The following EPB41 variants were observed in gnomAD, a reference collection of about 807,000 sequenced individuals.
EPB41 encodes protein 4.1.
Under a neutral mutation model 108.0 loss-of-function variants are expected in EPB41, and 65 were observed. The observed-to-expected ratio is 0.60, with a 90% confidence interval of 0.49 to 0.74. The LOEUF is 0.74. EPB41 is among the 30% of genes least tolerant of loss of function. EPB41 has a pLI of 0.00. For missense variants in EPB41, 875 were observed against 1,037.0 expected (o/e 0.84, Z 2.15); for synonymous variants, 336 against 358.9 (o/e 0.94, Z 0.72).
intron 17 of EPB41, among the ~76,000 whole-genome samples, chr1:29,106,275 A>G (rs1667113807): frequency 6.6e-6 from 1 of 152,154 alleles, no homozygotes; most frequent in Non-Finnish European, 1.5e-5. Context: ...GGAGGTAGAT[A>G]AAGATAGAGT....
At chr1:29,053,479 CGT>C (rs1240769006) in intron 12 of EPB41, 167 bp downstream of exon 12, 2 of 810,994 alleles carry the variant, frequency 2.5e-6, no homozygotes, top group African/African-American at 1.7e-5. Flanking sequence ...AAAATATTTT[CGT>C]AGAGTTATGT....
At chr1:28,917,147 A>G (rs1042958475) in intron 1 of EPB41, among the ~76,000 whole-genome samples, 1 of 152,042 alleles carries the variant, frequency 6.6e-6, no homozygotes, top group African/African-American at 2.4e-5. Context: ...CTTATGCAAT[A>G]TGGCTACAAT....
In EPB41 at chr1:28,987,468, G is replaced by A; in HGVS notation, c.31G>A (p.Ala11Thr). ...AACAGAGAAGAGTTTAGTGACTGAG[G>A]CCGAAAATTCACAGCACCAACAGAA... is the stretch of plus-strand genomic sequence containing the variant. MTTEKSLVTEAENSQHQQKEE... is the reference protein window; with the variant it reads MTTEKSLVTETENSQHQQKEE... The change falls in exon 2 of 21, where the codon GCC becomes ACC. Residue 11 changes from alanine (A) to threonine (T), a missense_variant. Ala to Thr is a moderately conservative substitution (Grantham distance 58). This residue lies in a region of EPB41 where 353 missense variants were observed against 393.2 expected (regional missense o/e 0.90). Transcript: ENST00000343067. 6.2e-7 allele frequency: 1 copy of A among 1,614,120 alleles called. No homozygotes were observed. The highest frequency in any genetic ancestry group is 8.5e-7 in the Non-Finnish European group (1 of 1,180,014).
At chr1:28,922,592 C>T (rs2093172208) in intron 1 of EPB41, among the ~76,000 whole-genome samples, 2 of 150,770 alleles carry the variant, frequency 1.3e-5, no homozygotes, top group African/African-American at 4.9e-5. Context: ...GCCACCGTGC[C>T]CCGCCAGTTT....
chr1:28,979,839 G>T (rs2095693648), intron 1 of EPB41, among the ~76,000 whole-genome samples: 1 of 152,002 alleles, frequency 6.6e-6, no homozygotes, highest in East Asian at 1.9e-4. Context: ...ATGTTTATTT[G>T]AAGATTTGGC....
At chr1:28,953,383 G>A (rs757024347) in intron 1 of EPB41, among the ~76,000 whole-genome samples, 34 of 152,068 alleles carry the variant, frequency 2.2e-4, no homozygotes, top group Non-Finnish European at 4.3e-4. Context: ...AAAACCATGC[G>A]GGCCTTTTGC....
intron 3 of EPB41, among the ~76,000 whole-genome samples, chr1:28,994,127 T>C (rs1017472016): frequency 6.6e-6 from 1 of 152,150 alleles, no homozygotes; most frequent in Non-Finnish European, 1.5e-5. Flanking sequence ...TCAGAGTTAT[T>C]CAGTTACTCT....
chr1:28,993,038 GC>G (rs1217206797), intron 2 of EPB41, among the ~76,000 whole-genome samples: 1 of 152,154 alleles, frequency 6.6e-6, no homozygotes, highest in Non-Finnish European at 1.5e-5. Flanking sequence ...CCGTGTAATG[GC>G]TTGGTCAGGA....
At chr1:29,057,104 C>T (rs1046597750) in intron 12 of EPB41, among the ~76,000 whole-genome samples, 1 of 152,060 alleles carries the variant, frequency 6.6e-6, no homozygotes, top group African/African-American at 2.4e-5. Context: ...CAGCCAGGCG[C>T]AGTGGCTTAC....
At chr1:29,060,320 AT>A in intron 14 of EPB41, 101 bp from the exon 15 acceptor site, 1 of 1,000,558 alleles carries the variant, frequency 1.0e-6, no homozygotes. Context: ...GTGGACATTT[AT>A]TTTTAAATAT....
intron 16 of EPB41, among the ~76,000 whole-genome samples, chr1:29,077,121 T>C (rs1446847488): frequency 1.3e-5 from 2 of 152,334 alleles, no homozygotes; most frequent in African/African-American, 4.8e-5. Context: ...CCAATCATTA[T>C]ATGCAGGTAA....
intron 1 of EPB41, among the ~76,000 whole-genome samples, chr1:28,972,275 A>G (rs925462538): frequency 2.6e-5 from 4 of 152,058 alleles, no homozygotes; most frequent in African/African-American, 9.7e-5. Context: ...GTGGAGATGA[A>G]TTTTTTTTGT....
intron 1 of EPB41, among the ~76,000 whole-genome samples, chr1:28,955,125 G>T (rs1169015620): frequency 2.6e-5 from 4 of 152,284 alleles, no homozygotes; most frequent in East Asian, 3.9e-4. Flanking sequence ...CAGGGAAGTA[G>T]GTTGACTATT....
intron 16 of EPB41, chr1:29,068,878 T>C: frequency 9.8e-7 from 1 of 1,017,480 alleles, no homozygotes; most frequent in Non-Finnish European, 1.3e-6. Context: ...CAACAGCTGC[T>C]GAATACCTTT....
intron 17 of EPB41, among the ~76,000 whole-genome samples, chr1:29,106,591 T>TTTTTTTTTGG (rs869202248): frequency 7.1e-6 from 1 of 140,556 alleles, no homozygotes; most frequent in Non-Finnish European, 1.5e-5. Context: ...TTTTTTTTTT[T>TTTTTTTTTGG]GAGATGGAGT....
rs751230112 is a variant in EPB41 at position 29,115,707 on chromosome 1, A to ACAAG, written c.2507_2510dup (p.Ile838SerfsTer27). On this transcript the variant is annotated frameshift_variant, in exon 20 of 21. Transcript: ENST00000343067. LOFTEE classifies it high-confidence loss of function. The surrounding 1 kb of genome is among the most constrained non-coding windows in gnomAD (Gnocchi z 4.4). Reference sequence around the variant, plus strand: ...GTTTCTGTCTTTTGTAGGTCCTTGTACAAGCCATCAAGGAGGCAAAGGAGC... The same window carrying ACAAG: ...GTTTCTGTCTTTTGTAGGTCCTTGTACAAGCAAGCCATCAAGGAGGCAAAGGAGC... The ACAAG allele has an allele frequency of 2.5e-6, 4 of 1,613,842 alleles. No homozygotes were observed. In the South Asian group the frequency reaches 4.4e-5, roughly 18 times the overall value.
In EPB41 at chr1:28,987,550, C is replaced by G. The variant is rs768577854; in HGVS notation, c.113C>G (p.Ser38Cys). The G allele has an allele frequency of 3.7e-6, 6 of 1,614,158 alleles. No individual in the cohort carries two copies. Among genetic ancestry groups the G allele is most frequent in the Non-Finnish European group, 4.2e-6 (5 of 1,180,032 alleles). The change falls in exon 2 of 21, where the codon TCT (serine) becomes TGT (cysteine). Residue 38 changes from serine (S) to cysteine (C), a missense_variant. Ser to Cys is a moderately radical substitution (Grantham distance 112). Coordinates refer to ENST00000343067, the MANE Select transcript of EPB41 (RefSeq NM_001376013.1). ...CAACAAGAACCTCAGCAGGAGGAAT[C>G]TTGTCAAACAGCAGCTGAAGGAGAT... is the stretch of plus-strand genomic sequence containing the variant. Reference protein sequence around the residue: ...SGQQEPQQEESCQTAAEGDNW... With the variant: ...SGQQEPQQEECCQTAAEGDNW...
chr1:28,951,902 T>C (rs563249884), intron 1 of EPB41, among the ~76,000 whole-genome samples: 2 of 152,066 alleles, frequency 1.3e-5, no homozygotes, highest in South Asian at 4.2e-4. Flanking sequence ...TAAATAAAAA[T>C]CAGGAGATCA....
At chr1:29,104,731 G>T (rs1372100557) in intron 17 of EPB41, among the ~76,000 whole-genome samples, 1 of 151,868 alleles carries the variant, frequency 6.6e-6, no homozygotes, top group Admixed American at 6.6e-5. Flanking sequence ...TTACAGGTGC[G>T]GGCCACCATG....
Sources: gnomAD v4.1 joint callset for allele counts (sites outside exome capture counted in the v4.1 genomes callset) on GRCh38, gnomAD v4.1.1 for gene constraint, gnomAD v4.1.1 regional missense constraint, Gnocchi (gnomAD v3.1) non-coding constraint, MANE v1.5 for transcripts, NCBI Gene and HGNC (gene_info 2026-07-23, HGNC 2026-07-21) for gene names.